Variants in SYK observed in about 807,000 individuals in gnomAD.
The protein encoded by SYK is spleen associated tyrosine kinase, also known as tyrosine-protein kinase SYK.
A neutral mutation model predicts 77.8 loss-of-function variants in SYK; 16 were observed. The observed-to-expected ratio is 0.21, with a 90% confidence interval of 0.14 to 0.31. The LOEUF is 0.31. Among genes scored for constraint, SYK ranks in the 10% least tolerant of loss-of-function variants. The probability of loss-of-function intolerance (pLI) is 1.00; values close to 1 mark genes in which losing one functional copy is unlikely to be tolerated. For synonymous variants in SYK, 312 were observed against 308.7 expected, an observed-to-expected ratio of 1.01 and a Z score of -0.11; for missense variants, 529 against 814.4, an observed-to-expected ratio of 0.65 and a Z score of 4.26.
At chr9:90,804,562 G>T (rs1824742420) in intron 1 of SYK, among the ~76,000 whole-genome samples, 1 of 152,084 alleles carries the variant, frequency 6.6e-6, no homozygotes, top group Non-Finnish European at 1.5e-5. Context: ...ACTACTTCTG[G>T]ATTGGTTTAG....
At chr9:90,893,244 A>T (rs983302349) in intron 13 of SYK, among the ~76,000 whole-genome samples, 1 of 152,096 alleles carries the variant, frequency 6.6e-6, no homozygotes, top group Non-Finnish European at 1.5e-5. Context: ...GGAGGATATC[A>T]CGTGTATATA....
intron 1 of SYK, among the ~76,000 whole-genome samples, chr9:90,824,025 T>C (rs1165036917): frequency 5.3e-5 from 8 of 151,286 alleles, no homozygotes; most frequent in African/African-American, 1.2e-4. Flanking sequence ...GAAAAAAATG[T>C]AGAAGATGCA....
intron 1 of SYK, among the ~76,000 whole-genome samples, chr9:90,829,561 G>A (rs1056864102): frequency 6.6e-6 from 1 of 152,190 alleles, no homozygotes; most frequent in South Asian, 2.1e-4. Flanking sequence ...AAATCACGCA[G>A]TCCCCAGGAT....
intron 11 of SYK, among the ~76,000 whole-genome samples, 180 bp from the exon 12 acceptor site, chr9:90,887,569 C>G (rs550267766): frequency 1.3e-5 from 2 of 152,050 alleles, no homozygotes; most frequent in African/African-American, 4.8e-5. Flanking sequence ...CCACACCTGG[C>G]TAATTTTTGT....
intron 7 of SYK, among the ~76,000 whole-genome samples, chr9:90,869,635 G>C (rs1433773832): frequency 6.6e-6 from 1 of 152,178 alleles, no homozygotes; most frequent in Non-Finnish European, 1.5e-5. Flanking sequence ...TTTGCTCAGT[G>C]TACATAGTTG....
chr9:90,805,676 A>G (rs17488335), intron 1 of SYK, among the ~76,000 whole-genome samples: 32,450 of 152,222 alleles, frequency 0.21, 3,644 homozygotes, highest in Middle Eastern at 0.32. Context: ...TTATTTTCCC[A>G]TGGTCAACCT....
intron 1 of SYK, among the ~76,000 whole-genome samples, chr9:90,823,204 G>A (rs543853481): frequency 6.6e-6 from 1 of 152,248 alleles, no homozygotes; most frequent in Middle Eastern, 3.4e-3. Flanking sequence ...TATCCAAGAA[G>A]ACATAACAAT....
chr9:90,809,603 A>C (rs757140630), intron 1 of SYK, among the ~76,000 whole-genome samples: 1 of 152,232 alleles, frequency 6.6e-6, no homozygotes, highest in Non-Finnish European at 1.5e-5. Flanking sequence ...TTGAGAAGTT[A>C]AGCATATACA....
intron 9 of SYK, 58 bp downstream of exon 9, chr9:90,874,907 C>T (rs1827870458): frequency 1.3e-6 from 2 of 1,574,416 alleles, no homozygotes; most frequent in Admixed American, 1.8e-5. Context: ...CTAGACATGA[C>T]TGAGAATAAC....
chr9:90,838,143 G>A (rs1378064999), intron 1 of SYK, among the ~76,000 whole-genome samples: 1 of 152,218 alleles, frequency 6.6e-6, no homozygotes, highest in African/African-American at 2.4e-5. Flanking sequence ...TCCAAGGGGG[G>A]ACGTCAGATA....
intron 13 of SYK, among the ~76,000 whole-genome samples, chr9:90,893,243 C>T (rs950625173): frequency 6.6e-6 from 1 of 152,170 alleles, no homozygotes; most frequent in Non-Finnish European, 1.5e-5. Context: ...TGGAGGATAT[C>T]ACGTGTATAT....
rs200092376 is a variant in SYK at position 90,896,843 on chromosome 9, A to G, written c.*1243A>G. 2 of 206,756 alleles carry G rather than the reference A, an allele frequency of 9.7e-6. No homozygotes were observed. The highest frequency in any genetic ancestry group is 2.3e-5 in the African/African-American group (1 of 43,878). The allele number at this position is 206,756 out of a possible 1,614,324, so 12.8% of individuals were successfully genotyped here. On this transcript the variant is annotated 3_prime_UTR_variant, in exon 14 of 14. Transcript: ENST00000375754. ...GGAGTTTGAGACTAGCCTGGCCAAT[A>G]TGGTAAAACCCCATCTCTACTAAAA...
chr9:90,868,958 G>A (rs1339052699), intron 7 of SYK, among the ~76,000 whole-genome samples: 1 of 152,200 alleles, frequency 6.6e-6, no homozygotes, highest in Admixed American at 6.5e-5. Context: ...ATGGGAGGCA[G>A]CTGAGATCTA....
chr9:90,802,052 A>T (rs1444588085), intron 1 of SYK, 159 bp downstream of exon 1: 1 of 152,348 alleles, frequency 6.6e-6, no homozygotes, highest in African/African-American at 2.4e-5. Flanking sequence ...GGGTTCCGCC[A>T]GCTTCGCTCC....
intron 1 of SYK, among the ~76,000 whole-genome samples, chr9:90,828,814 T>C (rs1416375671): frequency 4.0e-5 from 6 of 151,788 alleles, no homozygotes; most frequent in African/African-American, 1.5e-4. Flanking sequence ...CCTGGCCCGG[T>C]CACCAGCACA....
At chr9:90,852,211 A>T (rs1484875800) in intron 3 of SYK, among the ~76,000 whole-genome samples, 1 of 152,156 alleles carries the variant, frequency 6.6e-6, no homozygotes, top group Non-Finnish European at 1.5e-5. Flanking sequence ...TTGGGAGGGG[A>T]AGATAAAGTA....
intron 13 of SYK, among the ~76,000 whole-genome samples, chr9:90,891,332 G>A (rs1828785112): frequency 6.6e-6 from 1 of 151,778 alleles, no homozygotes; most frequent in Non-Finnish European, 1.5e-5. Flanking sequence ...ATTTTTTAGT[G>A]GAGACGGGGT....
intron 1 of SYK, among the ~76,000 whole-genome samples, chr9:90,809,208 T>C (rs1824977044): frequency 6.6e-6 from 1 of 152,232 alleles, no homozygotes; most frequent in Non-Finnish European, 1.5e-5. Flanking sequence ...TCATGAAGTC[T>C]GTCCTGCTTA....
intron 1 of SYK, among the ~76,000 whole-genome samples, chr9:90,817,537 T>G (rs1375179647): frequency 6.6e-6 from 1 of 152,174 alleles, no homozygotes; most frequent in African/African-American, 2.4e-5. Context: ...CTCTGCTGGC[T>G]TATCATTGTT....
Sources: gnomAD v4.1 joint callset for allele counts (sites outside exome capture counted in the v4.1 genomes callset) on GRCh38, gnomAD v4.1.1 for gene constraint, MANE v1.5 for transcripts, NCBI Gene and HGNC (gene_info 2026-07-23, HGNC 2026-07-21) for gene names.